The following AXIN1 variants were observed in gnomAD, a reference collection of about 807,000 sequenced individuals.
The protein encoded by AXIN1 is axin-1.
Under a neutral mutation model 76.4 loss-of-function variants are expected in AXIN1, and 30 were observed. The observed-to-expected ratio is 0.39, with a 90% CI of 0.29 to 0.53. The LOEUF is 0.53. Among genes scored for constraint, AXIN1 ranks in the 20% least tolerant of loss-of-function variants. The probability of loss-of-function intolerance (pLI) is 0.66; values close to 1 mark genes in which losing one functional copy is unlikely to be tolerated. For missense variants in AXIN1, 1,140 were observed against 1,198.8 expected (o/e 0.95, Z 0.72); for synonymous variants, 545 against 501.4 (o/e 1.09, Z -1.16).
intron 2 of AXIN1, among the ~76,000 whole-genome samples, chr16:327,789 T>C (rs2053614299): frequency 6.6e-6 from 1 of 152,228 alleles, no homozygotes; most frequent in Non-Finnish European, 1.5e-5. Context: ...TTTCTGAGCA[T>C]TTCAGCAAAC....
rs143974067 is a variant in AXIN1, at chr16:314,544, C to T, written c.1018G>A (p.Val340Met). 120 of 1,613,526 alleles carry T rather than the reference C, an allele frequency of 7.4e-5. 1 individual carries two copies. Among genetic ancestry groups the T allele is most frequent in the Middle Eastern group, 5.1e-4 (3 of 5,928 alleles). The change falls in exon 3 of 11, where the codon GTG becomes ATG. Residue 340 changes from valine (V) to methionine (M), a missense_variant and splice_region_variant. Val to Met is a conservative substitution (Grantham distance 21, BLOSUM62 1). Coordinates refer to ENST00000262320, the MANE Select transcript of AXIN1 (RefSeq NM_003502.4). ...CTGGGTATCCGGGGCGGGACTTACA[C>T]GCTGCTGTCCGTGAGGGACAGGGTG... is the stretch of plus-strand genomic sequence containing the variant. ...ADTLSLTDSS[V>M]DGIPPYRIRK...
intron 10 of AXIN1, among the ~76,000 whole-genome samples, chr16:289,008 G>C (rs2052473124): frequency 6.6e-6 from 1 of 152,220 alleles, no homozygotes; most frequent in South Asian, 2.1e-4. Flanking sequence ...GCCACCCTCA[G>C]CCTAGGGCTT....
At chr16:326,985 A>T (rs570287621) in intron 2 of AXIN1, among the ~76,000 whole-genome samples, 164 of 150,964 alleles carry the variant, frequency 1.1e-3, no homozygotes, top group Non-Finnish European at 1.8e-3. Context: ...CTAAAAATAT[A>T]AAAAAAATTA....
At chr16:296,999 G>C in intron 7 of AXIN1, 57 bp downstream of exon 7, 1 of 1,582,834 alleles carries the variant, frequency 6.3e-7, no homozygotes, top group South Asian at 1.1e-5. Context: ...GAGACTGTGC[G>C]GAGGCCAGGG....
chr16:343,966 C>T (rs1170552498), intron 2 of AXIN1, among the ~76,000 whole-genome samples: 1 of 150,492 alleles, frequency 6.6e-6, no homozygotes, highest in Non-Finnish European at 1.5e-5. Flanking sequence ...CGAGATAGTG[C>T]TACTGCACTC....
intron 1 of AXIN1, among the ~76,000 whole-genome samples, chr16:349,517 G>A (rs949531630): frequency 2.6e-5 from 4 of 152,298 alleles, no homozygotes; most frequent in African/African-American, 7.2e-5. Flanking sequence ...ACCGGAGAGT[G>A]GAAAGTGATT....
At chr16:311,166 A>C (rs1384452903) in intron 3 of AXIN1, among the ~76,000 whole-genome samples, 1 of 151,624 alleles carries the variant, frequency 6.6e-6, no homozygotes. Flanking sequence ...AGTAGCTGGG[A>C]CTACAGGTGC....
intron 5 of AXIN1, 83 bp downstream of exon 5, chr16:304,221 C>A (rs1014975126): frequency 1.3e-6 from 2 of 1,595,458 alleles, no homozygotes; most frequent in African/African-American, 2.7e-5. Flanking sequence ...CCGGGCATCC[C>A]CATGAAGAAC....
intron 7 of AXIN1, among the ~76,000 whole-genome samples, chr16:295,689 C>A (rs1267417608): frequency 1.3e-5 from 2 of 152,046 alleles, no homozygotes; most frequent in Non-Finnish European, 2.9e-5. Flanking sequence ...CGGCCGGGCA[C>A]GGTGGCTCAC....
chr16:343,023 A>T (rs2053960993), intron 2 of AXIN1, among the ~76,000 whole-genome samples: 2 of 152,202 alleles, frequency 1.3e-5, no homozygotes, highest in South Asian at 4.1e-4. Context: ...TGTGCTGACA[A>T]GCAACCATTC....
intron 7 of AXIN1, among the ~76,000 whole-genome samples, chr16:295,700 G>A (rs927126573): frequency 6.6e-6 from 1 of 152,112 alleles, no homozygotes; most frequent in Non-Finnish European, 1.5e-5. Flanking sequence ...GGTGGCTCAC[G>A]CCTGTAATCC....
chr16:299,137 G>A (rs965132320), intron 5 of AXIN1: 2 of 985,322 alleles, frequency 2.0e-6, no homozygotes, highest in African/African-American at 1.7e-5. Flanking sequence ...GATGCTGCCT[G>A]ACGAGCTTCC....
At chr16:318,415 G>A (rs375266630) in intron 2 of AXIN1, among the ~76,000 whole-genome samples, 1 of 152,174 alleles carries the variant, frequency 6.6e-6, no homozygotes, top group East Asian at 1.9e-4. Context: ...AAAGGAAGAA[G>A]GGCAGCCTGT....
chr16:293,724 G>A lies in AXIN1; in HGVS notation c.1956-6C>T. On this transcript the variant is annotated splice_region_variant and splice_polypyrimidine_tract_variant and intron_variant, in intron 7 of 10. Transcript: ENST00000262320. The surrounding 1 kb of genome is among the most constrained non-coding windows in gnomAD (Gnocchi z 4.6). ...GCTTCCTCGTCCCCGAAGACCTTGG[G>A]GAACAAGAGAACAAGTTGTGACTGT... 2 of 1,613,034 alleles carry A rather than the reference G, an allele frequency of 1.2e-6. No individual in the cohort carries two copies. The highest frequency in any genetic ancestry group is 1.7e-6 in the Non-Finnish European group (2 of 1,179,822).
At chr16:312,068 T>G (rs1202390341) in intron 3 of AXIN1, among the ~76,000 whole-genome samples, 2 of 152,218 alleles carry the variant, frequency 1.3e-5, no homozygotes, top group East Asian at 1.9e-4. Flanking sequence ...TTTGTTGAAG[T>G]GTCCTGAAGC....
chr16:295,192 G>A (rs1419428512), intron 7 of AXIN1, among the ~76,000 whole-genome samples: 3 of 147,674 alleles, frequency 2.0e-5, no homozygotes, highest in African/African-American at 5.0e-5. Flanking sequence ...TGCAATCTCC[G>A]CCTCCCAGGT....
chr16:343,190 C>T (rs1365123322), intron 2 of AXIN1, among the ~76,000 whole-genome samples: 1 of 152,156 alleles, frequency 6.6e-6, no homozygotes, highest in Non-Finnish European at 1.5e-5. Flanking sequence ...CAGAGCTACA[C>T]AAAATTAGAC....
intron 2 of AXIN1, among the ~76,000 whole-genome samples, chr16:325,014 A>G (rs1453750117): frequency 2.0e-5 from 3 of 152,188 alleles, no homozygotes; most frequent in Non-Finnish European, 2.9e-5. Context: ...GGACCCGCAC[A>G]GAACCACAGT....
chr16:307,283 C>T (rs553879817), intron 4 of AXIN1, among the ~76,000 whole-genome samples: 2 of 152,328 alleles, frequency 1.3e-5, no homozygotes, highest in East Asian at 1.9e-4. Context: ...GGTGGCCTTG[C>T]AGGCTGCGTC....
Sources: gnomAD v4.1 joint callset for allele counts (sites outside exome capture counted in the v4.1 genomes callset) on GRCh38, gnomAD v4.1.1 for gene constraint, Gnocchi (gnomAD v3.1) non-coding constraint, MANE v1.5 for transcripts, NCBI Gene and HGNC (gene_info 2026-07-23, HGNC 2026-07-21) for gene names.